ARHGEF28: variants seen among roughly 807,000 people sequenced by gnomAD.
ARHGEF28 encodes the protein Rho guanine nucleotide exchange factor 28.
ARHGEF28 carries 152 observed loss-of-function variants against 206.6 expected under a neutral mutation model. That is an observed-to-expected ratio of 0.74 (90% CI 0.64 to 0.84). ARHGEF28 has a LOEUF of 0.84. Among genes scored for constraint, ARHGEF28 ranks in the 40% least tolerant of loss-of-function variants. The pLI is 0.00. For synonymous variants in ARHGEF28, 763 were observed against 776.4 expected (o/e 0.98, Z 0.29); for missense variants, 2,028 against 2,073.2 (o/e 0.98, Z 0.42).
chr5:73,832,545 C>T lies in ARHGEF28; in HGVS notation c.1146+86C>T, dbSNP rs1013137232. 8.6e-6 allele frequency: 13 copies of T among 1,504,606 alleles called. No homozygotes were observed. The African/African-American group carries it at 1.5e-4, about 18-fold the overall frequency. The allele number at this position is 1,504,606 out of a possible 1,614,324, so 93.2% of individuals were successfully genotyped here. A position where few individuals can be genotyped will look rare whatever the true frequency, so the allele number is the denominator to read the frequency against. On this transcript the variant is annotated intron_variant, in intron 10 of 35. Coordinates refer to ENST00000513042, the MANE Select transcript of ARHGEF28 (RefSeq NM_001177693.2). Reference sequence around the variant, plus strand: ...GAAATAGATTCAGCATTGTTGTGTTCCTTTGACAATTTTAGCCTAAGAGCA... The same window carrying T: ...GAAATAGATTCAGCATTGTTGTGTTTCTTTGACAATTTTAGCCTAAGAGCA...
Position 73,909,716 on chromosome 5 carries a change from G to T in ARHGEF28, c.4466G>T (p.Ser1489Ile). The T allele has an allele frequency of 6.6e-7, 1 of 1,522,744 alleles. No homozygotes were observed. The highest frequency in any genetic ancestry group is 8.8e-7 in the Non-Finnish European group (1 of 1,134,218). 94.3% of individuals were successfully genotyped at this position (1,522,744 alleles called of 1,614,324 possible). A position where few individuals can be genotyped will look rare whatever the true frequency, so the allele number is the denominator to read the frequency against. ...TCGCAGGAGGAGCTGCTGCTGCGGA[G>T]CCGGGGCGAGCTGGACCTCCAGCTC... ...CQSQEELLLRSRGELDLQLQE... is the reference protein window; with the variant it reads ...CQSQEELLLRIRGELDLQLQE... Residue 1489 changes from serine (S) to isoleucine (I), a missense_variant, in exon 34 of 36, where the codon AGC becomes ATC. Transcript: ENST00000513042.
At chr5:73,852,279 G>T (rs939228965) in intron 13 of ARHGEF28, among the ~76,000 whole-genome samples, 2 of 152,136 alleles carry the variant, frequency 1.3e-5, no homozygotes, top group African/African-American at 4.8e-5. Context: ...TTATTTATTG[G>T]TTCTGTATGT....
chr5:73,666,933 C>T (rs1425490243), intron 1 of ARHGEF28, among the ~76,000 whole-genome samples: 1 of 152,172 alleles, frequency 6.6e-6, no homozygotes, highest in Non-Finnish European at 1.5e-5. Context: ...TTAGCATAAT[C>T]CAAGGGTGGA....
At chr5:73,626,541 G>A (rs1045600920) in intron 1 of ARHGEF28, among the ~76,000 whole-genome samples, 1 of 152,006 alleles carries the variant, frequency 6.6e-6, no homozygotes, top group Non-Finnish European at 1.5e-5. Context: ...AGAGGGCGGC[G>A]CAGCCTCGTG....
rs780514577 is a variant in ARHGEF28 at position 73,780,694 on chromosome 5, A to G, written c.859A>G (p.Arg287Gly). ...TTCCTAGGCCTTTGAGCCAGAAGCCAGGCCAGAGGAAAGAACAGCTATGCC... is the reference window on the plus strand; with the variant it reads ...TTCCTAGGCCTTTGAGCCAGAAGCCGGGCCAGAGGAAAGAACAGCTATGCC... ...FLVKAFEPEA[R>G]PEERTAMPSS... Residue 287 changes from arginine (R) to glycine (G), a missense_variant, in exon 7 of 36, where the codon AGG becomes GGG. By Grantham distance (125) the Arg-to-Gly change is moderately radical. Transcript: ENST00000513042. 5 of 1,556,696 alleles carry G rather than the reference A, an allele frequency of 3.2e-6. No homozygotes were observed. The South Asian group carries it at 5.9e-5, about 18-fold the overall frequency.
chr5:73,703,700 G>T (rs545783653), intron 2 of ARHGEF28, among the ~76,000 whole-genome samples: 45 of 150,292 alleles, frequency 3.0e-4, no homozygotes, highest in African/African-American at 1.1e-3. Context: ...TCTTCGTATA[G>T]AAGTATAAAC....
chr5:73,857,329 G>C lies in ARHGEF28; in HGVS notation c.1791-327G>C, dbSNP rs1473971024. Among the ~76,000 whole-genome samples the C allele has an allele frequency of 3.9e-5, 6 of 152,082 alleles. No individual in the cohort carries two copies. In the East Asian group the frequency reaches 1.2e-3, roughly 29 times the overall value. On this transcript the variant is annotated intron_variant, in intron 14 of 35. Coordinates refer to ENST00000513042, the MANE Select transcript of ARHGEF28 (RefSeq NM_001177693.2). ...TTCAGGGTAAAATTATAAGTCTAAGGTTTATTTCCTCAATATTTTATTATG... is the reference window on the plus strand; with the variant it reads ...TTCAGGGTAAAATTATAAGTCTAAGCTTTATTTCCTCAATATTTTATTATG...
At chr5:73,816,301 G>A (rs116312309) in intron 9 of ARHGEF28, among the ~76,000 whole-genome samples, 244 of 152,266 alleles carry the variant, frequency 1.6e-3, no homozygotes, top group Non-Finnish European at 2.6e-3. Context: ...GTGAACTGTA[G>A]TCTCTTGTCG....
At chr5:73,784,924 G>T (rs114496309) in intron 7 of ARHGEF28, among the ~76,000 whole-genome samples, 109 of 152,264 alleles carry the variant, frequency 7.2e-4, no homozygotes, top group African/African-American at 2.6e-3. Context: ...TGAAACCGTT[G>T]ATCTGATAAC....
At chr5:73,878,925 G>T (rs1462502908) in intron 22 of ARHGEF28, among the ~76,000 whole-genome samples, 8 of 152,090 alleles carry the variant, frequency 5.3e-5, no homozygotes, top group Non-Finnish European at 1.2e-4. Context: ...TTCTCGAGGA[G>T]TACCTTTGTG....
At chr5:73,795,302 A>T (rs774340116) in intron 8 of ARHGEF28, 29 bp from the exon 9 acceptor site, 2 of 1,605,588 alleles carry the variant, frequency 1.2e-6, no homozygotes, top group East Asian at 4.5e-5. Flanking sequence ...GTAATTTTTT[A>T]AAAATCCACC....
intron 1 of ARHGEF28, among the ~76,000 whole-genome samples, chr5:73,682,939 C>T (rs1052103607): frequency 2.6e-5 from 4 of 152,134 alleles, no homozygotes; most frequent in Non-Finnish European, 5.9e-5. Context: ...GTCTTCCTGT[C>T]TGCCCCATTT....
At chr5:73,908,334 A>T (rs555168715) in intron 33 of ARHGEF28, 1 of 152,324 alleles carries the variant, frequency 6.6e-6, no homozygotes, top group Non-Finnish European at 1.5e-5. Context: ...ATATGGTCAA[A>T]TCCCCATCTT....
At chr5:73,847,332 TTTTA>T (rs1211767483) in intron 12 of ARHGEF28, among the ~76,000 whole-genome samples, 1 of 152,200 alleles carries the variant, frequency 6.6e-6, no homozygotes, top group Non-Finnish European at 1.5e-5. Context: ...TAAGTAGTGC[TTTTA>T]TTTAATTTTA....
At chr5:73,801,731 CTT>C in intron 9 of ARHGEF28, among the ~76,000 whole-genome samples, 1 of 151,912 alleles carries the variant, frequency 6.6e-6, no homozygotes, top group Non-Finnish European at 1.5e-5. Context: ...TTTCTTTTCT[CTT>C]TTTTTGGGGA....
At chr5:73,670,491 A>T (rs1228351391) in intron 1 of ARHGEF28, among the ~76,000 whole-genome samples, 9 of 152,218 alleles carry the variant, frequency 5.9e-5, no homozygotes, top group African/African-American at 2.2e-4. Context: ...TTTTGTGTGA[A>T]CACATTTTAT....
chr5:73,726,859 A>T (rs916214922), intron 2 of ARHGEF28, among the ~76,000 whole-genome samples: 1 of 152,144 alleles, frequency 6.6e-6, no homozygotes, highest in African/African-American at 2.4e-5. Context: ...ATCTAAACAC[A>T]TTAAGTTTTT....
intron 3 of ARHGEF28, 115 bp from the exon 4 acceptor site, chr5:73,752,794 T>C: frequency 8.2e-7 from 1 of 1,218,136 alleles, no homozygotes; most frequent in Non-Finnish European, 1.1e-6. Flanking sequence ...CTTTCTGCTT[T>C]GTTCTCCTGG....
At position 73,697,846 on chromosome 5, in the gene ARHGEF28, C is replaced by T. The variant is rs546215533; in HGVS notation, c.33+12962C>T. Among the ~76,000 whole-genome samples, 75 of 152,298 alleles carry T rather than the reference C, an allele frequency of 4.9e-4. No individual in the cohort carries two copies. In the East Asian group the frequency reaches 6.0e-3, roughly 12 times the overall value. ...TCACACATTAGCCATTTCATCAGAA[C>T]CACACATCGTTTGGCAGTGGAGATG... On this transcript the variant is annotated intron_variant, in intron 2 of 35. Transcript: ENST00000513042.
Sources: gnomAD v4.1 joint callset for allele counts (sites outside exome capture counted in the v4.1 genomes callset) on GRCh38, gnomAD v4.1.1 for gene constraint, MANE v1.5 for transcripts, NCBI Gene and HGNC (gene_info 2026-07-23, HGNC 2026-07-21) for gene names.